The following AMPD3 variants were observed in gnomAD, a reference collection of about 807,000 sequenced individuals.
AMPD3 encodes adenosine monophosphate deaminase 3.
A neutral mutation model predicts 82.3 loss-of-function variants in AMPD3; 57 were observed. The observed-to-expected ratio is 0.69, with a 90% CI of 0.56 to 0.86. The LOEUF (loss-of-function observed/expected upper bound fraction) is 0.86. Among genes scored for constraint, AMPD3 ranks in the 40% least tolerant of loss-of-function variants. The pLI is 0.00. For synonymous variants in AMPD3, 381 were observed against 394.7 expected, an observed-to-expected ratio of 0.97 and a Z score of 0.41; for missense variants, 870 against 1,003.8, an observed-to-expected ratio of 0.87 and a Z score of 1.80.
intron 12 of AMPD3, 137 bp from the exon 13 acceptor site, chr11:10,502,584 C>T (rs546022282): frequency 1.3e-4 from 204 of 1,588,362 alleles, no homozygotes; most frequent in African/African-American, 6.1e-4. Flanking sequence ...TCGAGGAACT[C>T]GGGTTGAGGA....
At chr11:10,500,327 A>G (rs1849542080) in intron 11 of AMPD3, 78 bp downstream of exon 11, 4 of 1,514,970 alleles carry the variant, frequency 2.6e-6, no homozygotes, top group Non-Finnish European at 3.7e-6. Context: ...GCACACACAC[A>G]TGCATGTGAT....
chr11:10,464,762 A>G (rs944310815), intron 2 of AMPD3, among the ~76,000 whole-genome samples: 2 of 152,084 alleles, frequency 1.3e-5, no homozygotes, highest in African/African-American at 4.8e-5. Context: ...CATGGAGGAC[A>G]CCCTCTCCCC....
chr11:10,456,239 C>T lies in AMPD3; in HGVS notation c.-6+791C>T, dbSNP rs1369226592. ...TTTCCTGCTCTGGCTCACTGCTGCT[C>T]ACAGATATGCAAAACAGAGACCTCC... On this transcript the variant is annotated intron_variant, in intron 1 of 14. Transcript: ENST00000396553. This position sits in a 1 kb window ranked among gnomAD's most constrained non-coding sequence, Gnocchi z 4.3. 1 of 1,499,640 alleles carries T rather than the reference C, an allele frequency of 6.7e-7. No homozygotes were observed. Among genetic ancestry groups the T allele is most frequent in the African/African-American group, 1.4e-5 (1 of 71,684 alleles). 92.9% of individuals were successfully genotyped at this position (1,499,640 alleles called of 1,614,324 possible).
intron 3 of AMPD3, among the ~76,000 whole-genome samples, chr11:10,480,816 C>T (rs754832470): frequency 1.3e-5 from 2 of 152,120 alleles, no homozygotes; most frequent in African/African-American, 2.4e-5. Context: ...CTTTCAGGCC[C>T]CAGCCCTCCC....
intron 10 of AMPD3, chr11:10,499,650 A>G: frequency 1.0e-6 from 1 of 985,360 alleles, no homozygotes; most frequent in Non-Finnish European, 1.2e-6. Flanking sequence ...AAGTGCTTTG[A>G]GCAGGGCTTG....
chr11:10,461,160 C>G, intron 1 of AMPD3: 2 of 1,208,684 alleles, frequency 1.7e-6, no homozygotes, highest in South Asian at 1.6e-5. Flanking sequence ...GGAGGGAGAG[C>G]TGAACTCTCT....
At chr11:10,487,392 G>A (rs766437557) in intron 6 of AMPD3, 28 bp downstream of exon 6, 8 of 1,612,946 alleles carry the variant, frequency 5.0e-6, no homozygotes, top group South Asian at 4.4e-5. Context: ...GTTCACAGCT[G>A]CCTCACCCGG....
Position 10,495,687 on chromosome 11 carries a change from G to A in AMPD3, c.1384G>A (p.Val462Ile), listed in dbSNP as rs773260324. Residue 462 changes from valine (V) to isoleucine (I), a missense_variant, in exon 9 of 15, where the codon GTC becomes ATC. Physicochemically the swap from Val to Ile is conservative, Grantham distance 29 (BLOSUM62 3). Transcript: ENST00000396553. Reference sequence around the variant, plus strand: ...GGCCTACTGGTTCATCCAGCACAAGGTCTACTCTCCCAACATGCGCTGGAT... The same window carrying A: ...GGCCTACTGGTTCATCCAGCACAAGATCTACTCTCCCAACATGCGCTGGAT... Reference protein sequence around the residue: ...NLAYWFIQHKVYSPNMRWIIQ... With the variant: ...NLAYWFIQHKIYSPNMRWIIQ... 17 of 1,614,002 alleles carry A rather than the reference G, an allele frequency of 1.1e-5. No individual in the cohort carries two copies. Among genetic ancestry groups the A allele is most frequent in the Admixed American group, 3.3e-5 (2 of 60,000 alleles).
Position 10,455,398 on chromosome 11 carries a change from A to G in AMPD3, c.-56A>G. On this transcript the variant is annotated 5_prime_UTR_variant, in exon 1 of 15. Transcript: ENST00000396553. ...CCACCTTCCCCAGGAGGAGTGGCAG[A>G]GTCCAGCCAGCGCTCGGAGCTGGAG... 1 of 984,666 alleles carries G rather than the reference A, an allele frequency of 1.0e-6. No homozygotes were observed. The highest frequency in any genetic ancestry group is 1.2e-6 in the Non-Finnish European group (1 of 829,762). The allele number at this position is 984,666 out of a possible 1,614,324, so 61.0% of individuals were successfully genotyped here.
intron 2 of AMPD3, among the ~76,000 whole-genome samples, chr11:10,467,005 G>A (rs768090210): frequency 9.2e-5 from 14 of 152,148 alleles, no homozygotes; most frequent in African/African-American, 2.2e-4. Context: ...GACCACATCC[G>A]AAAATCACCA....
intron 2 of AMPD3, among the ~76,000 whole-genome samples, chr11:10,475,634 T>A (rs34942282): frequency 0.016 from 2,440 of 152,238 alleles, 36 homozygotes; most frequent in Non-Finnish European, 0.022. Context: ...ATGGCACAGT[T>A]GACCTTAAGA....
chr11:10,454,688 C>T (rs1392987718), upstream of AMPD3, among the ~76,000 whole-genome samples: 1 of 152,098 alleles, frequency 6.6e-6, no homozygotes, highest in African/African-American at 2.4e-5. Flanking sequence ...GAATAAAATT[C>T]CCTGAACGTG....
At chr11:10,505,357 A>G in intron 14 of AMPD3, 2 of 930,322 alleles carry the variant, frequency 2.1e-6, no homozygotes, top group Non-Finnish European at 2.5e-6. Context: ...CCCCAGGAAC[A>G]TTGTCCTTGT....
chr11:10,468,391 C>T (rs1205919017), intron 2 of AMPD3, among the ~76,000 whole-genome samples: 1 of 149,822 alleles, frequency 6.7e-6, no homozygotes, highest in Non-Finnish European at 1.5e-5. Flanking sequence ...ATAAAACAGA[C>T]TTTAAACCAA....
At chr11:10,455,635 G>T (rs1355598911) in intron 1 of AMPD3, among the ~76,000 whole-genome samples, 187 bp downstream of exon 1, 1 of 152,192 alleles carries the variant, frequency 6.6e-6, no homozygotes. Context: ...ATCCTAGCCT[G>T]CCCCTGTCCT....
intron 6 of AMPD3, among the ~76,000 whole-genome samples, chr11:10,492,076 G>C (rs1849255007): frequency 6.6e-6 from 1 of 152,170 alleles, no homozygotes; most frequent in Non-Finnish European, 1.5e-5. Flanking sequence ...AGGCTGAAAA[G>C]GAGAGGACAG....
At chr11:10,479,964 C>G in intron 3 of AMPD3, 1 of 985,412 alleles carries the variant, frequency 1.0e-6, no homozygotes, top group Non-Finnish European at 1.2e-6. Context: ...GTTCACCCAA[C>G]CTGAGGCAGG....
chr11:10,453,506 A>G (rs1848011248), upstream of AMPD3, among the ~76,000 whole-genome samples: 1 of 152,190 alleles, frequency 6.6e-6, no homozygotes, highest in East Asian at 1.9e-4. Flanking sequence ...CACACCTCAC[A>G]AATGAGAAGA....
rs564224171 is a variant in AMPD3 at position 10,477,073 on chromosome 11, G to A, written c.222-1453G>A. 33 of 985,464 alleles carry A rather than the reference G, an allele frequency of 3.3e-5. 1 individual carries two copies. In the East Asian group the frequency reaches 1.5e-3, roughly 44 times the overall value. The allele number at this position is 985,464 out of a possible 1,614,324, so 61.0% of individuals were successfully genotyped here. A position where few individuals can be genotyped will look rare whatever the true frequency, so the allele number is the denominator to read the frequency against. On this transcript the variant is annotated intron_variant, in intron 2 of 14. Coordinates refer to ENST00000396553, the MANE Select transcript of AMPD3 (RefSeq NM_001025389.2). ...TGGCAAGCACTGGGTGTGTAAACAC[G>A]GGAGGAGAACTGTGGTTCTTGAAAA... is the stretch of plus-strand genomic sequence containing the variant.
Sources: gnomAD v4.1 joint callset for allele counts (sites outside exome capture counted in the v4.1 genomes callset) on GRCh38, gnomAD v4.1.1 for gene constraint, Gnocchi (gnomAD v3.1) non-coding constraint, MANE v1.5 for transcripts, NCBI Gene and HGNC (gene_info 2026-07-23, HGNC 2026-07-21) for gene names.